Variants in PPP2R5C observed in about 807,000 individuals in gnomAD.
PPP2R5C encodes the protein protein phosphatase 2 regulatory subunit B'gamma, also known as serine/threonine-protein phosphatase 2A 56 kDa regulatory subunit gamma isoform.
Under a neutral mutation model 68.9 loss-of-function variants are expected in PPP2R5C, and 7 were observed. The observed-to-expected ratio is 0.10, with a 90% CI of 0.06 to 0.19. The LOEUF is 0.19. Ranked by LOEUF, PPP2R5C falls within the 10% of genes least tolerant of loss-of-function variation. PPP2R5C has a pLI of 1.00. For missense variants in PPP2R5C, 348 were observed against 641.3 expected (o/e 0.54, Z 4.94); for synonymous variants, 210 against 222.2 (o/e 0.95, Z 0.49).
At chr14:101,914,138 TG>T (rs1419026081) in intron 12 of PPP2R5C, 1 of 454,502 alleles carries the variant, frequency 2.2e-6, no homozygotes, top group East Asian at 6.9e-5. Context: ...GTATTCTTTT[TG>T]GTTGCTCTCT....
rs1275831585 is a variant in PPP2R5C at position 101,879,034 on chromosome 14, T to G, written c.295-3127T>G. Reference sequence around the variant, plus strand: ...TCTTAGTCATCCCTGGTCACAGAAATCCAATCTAGGTTAAAGCTTTCATCT... The same window carrying G: ...TCTTAGTCATCCCTGGTCACAGAAAGCCAATCTAGGTTAAAGCTTTCATCT... On this transcript the variant is annotated intron_variant, in intron 2 of 13. Transcript: ENST00000334743. This position sits in a 1 kb window ranked among gnomAD's most constrained non-coding sequence, Gnocchi z 4.2. Among the ~76,000 whole-genome samples, 1 of 152,160 alleles carries G rather than the reference T, an allele frequency of 6.6e-6. No homozygotes were observed. Among genetic ancestry groups the G allele is most frequent in the Non-Finnish European group, 1.5e-5 (1 of 68,028 alleles).
Position 101,913,914 on chromosome 14 carries a change from G to T in PPP2R5C, c.1326+1441G>T, listed in dbSNP as rs1405346303. ...CAAACACACACACACGAATCAGAAG[G>T]TCTGATTTTATGTACCTAGAATATA... On this transcript the variant is annotated intron_variant, in intron 12 of 13. Coordinates refer to ENST00000334743, the Ensembl canonical transcript of PPP2R5C. The surrounding 1 kb of genome is among the most constrained non-coding windows in gnomAD (Gnocchi z 4.1). 6.6e-6 allele frequency among the ~76,000 whole-genome samples: 1 copy of T among 152,006 alleles called. No individual in the cohort carries two copies. The highest frequency in any genetic ancestry group is 1.5e-5 in the Non-Finnish European group (1 of 68,012).
At chr14:101,821,438 GGGGTGGGTGGGT>G (rs1200447761) in intron 1 of PPP2R5C, among the ~76,000 whole-genome samples, 19 of 130,648 alleles carry the variant, frequency 1.5e-4, no homozygotes, top group African/African-American at 4.9e-4. Context: ...CTCCCTGTGG[GGGGTGGGTGGGT>G]GGGTGTGTGT....
At chr14:101,776,734 C>T (rs1189057760) in intron 2 of PPP2R5C, among the ~76,000 whole-genome samples, 3 of 152,150 alleles carry the variant, frequency 2.0e-5, no homozygotes, top group Non-Finnish European at 2.9e-5. Flanking sequence ...CTAGCAGCTA[C>T]CAGTCTGCTC....
intron 1 of PPP2R5C, among the ~76,000 whole-genome samples, chr14:101,816,514 A>G (rs1234930051): frequency 6.6e-6 from 1 of 152,226 alleles, no homozygotes; most frequent in African/African-American, 2.4e-5. Flanking sequence ...TGTTCTAAAA[A>G]GTGTGAAATC....
chr14:101,911,281 A>C (rs1022101930), intron 11 of PPP2R5C, among the ~76,000 whole-genome samples: 5 of 152,208 alleles, frequency 3.3e-5, no homozygotes. Context: ...CTCAAAAAAA[A>C]AATCCTTGCC....
Position 101,812,202 on chromosome 14 carries a change from G to A in PPP2R5C, c.94+2166G>A, listed in dbSNP as rs116716524. Among the ~76,000 whole-genome samples the A allele has an allele frequency of 2.1e-3, 313 of 152,332 alleles. 1 individual carries two copies. Among genetic ancestry groups the A allele is most frequent in the African/African-American group, 7.3e-3 (304 of 41,566 alleles). On this transcript the variant is annotated intron_variant, in intron 1 of 13. Coordinates refer to ENST00000334743, the Ensembl canonical transcript of PPP2R5C. ...AACATCCATTGAGCAGCTCCGGTGTGCCAAGTGCTGAGCGTCATTACAGTG... is the reference window on the plus strand; with the variant it reads ...AACATCCATTGAGCAGCTCCGGTGTACCAAGTGCTGAGCGTCATTACAGTG...
Position 101,888,028 on chromosome 14 carries a change from A to G in PPP2R5C, c.630-2209A>G, listed in dbSNP as rs376428957. 6.6e-6 allele frequency among the ~76,000 whole-genome samples: 1 copy of G among 152,364 alleles called. No homozygotes were observed. Among genetic ancestry groups the G allele is most frequent in the African/African-American group, 2.4e-5 (1 of 41,586 alleles). On this transcript the variant is annotated intron_variant, in intron 5 of 13. Transcript: ENST00000334743. The surrounding 1 kb of genome is among the most constrained non-coding windows in gnomAD (Gnocchi z 5.6). ...CTTATTTCTTCTTTCTTCTGCCTAC[A>G]TCAAAGCAGGTTTAAAAAATTAGAA...
chr14:101,789,936 T>C (rs1309600579), intron 3 of PPP2R5C: 3 of 151,782 alleles, frequency 2.0e-5, no homozygotes, highest in Non-Finnish European at 4.4e-5. Context: ...GTCTGTTAAC[T>C]AGTACATGGT....
chr14:101,802,140 C>T (rs1011516619), intron 3 of PPP2R5C, among the ~76,000 whole-genome samples: 2 of 152,144 alleles, frequency 1.3e-5, no homozygotes, highest in African/African-American at 4.8e-5. Flanking sequence ...CCTGGCCGGG[C>T]GCGGTGGCTC....
intron 2 of PPP2R5C, among the ~76,000 whole-genome samples, chr14:101,867,647 G>A (rs1196103388): frequency 1.3e-5 from 2 of 151,612 alleles, no homozygotes; most frequent in South Asian, 2.1e-4. Flanking sequence ...GCATGGTGGC[G>A]GGCACCTGTA....
intron 2 of PPP2R5C, among the ~76,000 whole-genome samples, chr14:101,870,360 C>T (rs528030173): frequency 1.3e-5 from 2 of 152,246 alleles, no homozygotes; most frequent in Non-Finnish European, 2.9e-5. Context: ...TCCATTTTGT[C>T]TGCAGTTCGT....
chr14:101,787,745 C>T (rs145259344), intron 3 of PPP2R5C, among the ~76,000 whole-genome samples: 14 of 131,842 alleles, frequency 1.1e-4, no homozygotes, highest in South Asian at 2.3e-4. Flanking sequence ...CCAGCCTGGG[C>T]GACAGAGCGA....
chr14:101,814,259 CTT>C (rs1027430937), intron 1 of PPP2R5C, among the ~76,000 whole-genome samples: 1 of 152,232 alleles, frequency 6.6e-6, no homozygotes, highest in Non-Finnish European at 1.5e-5. Flanking sequence ...ACAAACATCT[CTT>C]TACTATGTAA....
chr14:101,885,652 C>G (rs1290097426), intron 5 of PPP2R5C, among the ~76,000 whole-genome samples: 1 of 152,248 alleles, frequency 6.6e-6, no homozygotes, highest in African/African-American at 2.4e-5. Context: ...CTTCCAAGTA[C>G]CCCACATCTC....
At chr14:101,764,793 C>T (rs7147774) in intron 2 of PPP2R5C, among the ~76,000 whole-genome samples, 9,713 of 144,176 alleles carry the variant, frequency 0.067, 353 homozygotes, top group East Asian at 0.15. Flanking sequence ...AAGGTATATG[C>T]TATATGCCTT....
intron 1 of PPP2R5C, among the ~76,000 whole-genome samples, chr14:101,833,948 C>T (rs1274337165): frequency 1.3e-5 from 2 of 152,090 alleles, no homozygotes; most frequent in Non-Finnish European, 2.9e-5. Context: ...ATTACAGGCA[C>T]CCGCCACCTG....
chr14:101,924,666 C>CCA (rs1366224353), intron 13 of PPP2R5C, among the ~76,000 whole-genome samples: 1 of 151,786 alleles, frequency 6.6e-6, no homozygotes, highest in Non-Finnish European at 1.5e-5. Context: ...TGATCTTGAC[C>CCA]TCTTGACCTC....
At chr14:101,794,473 G>T (rs949891667) in intron 3 of PPP2R5C, among the ~76,000 whole-genome samples, 1 of 152,138 alleles carries the variant, frequency 6.6e-6, no homozygotes, top group African/African-American at 2.4e-5. Flanking sequence ...GGGCTTAAAT[G>T]ATTCTCCTGC....
Sources: allele counts gnomAD v4.1 joint callset (sites outside exome capture counted in the v4.1 genomes callset), GRCh38; gene constraint gnomAD v4.1.1; non-coding constraint Gnocchi (gnomAD v3.1); transcripts MANE v1.5; gene names NCBI Gene and HGNC (gene_info 2026-07-23, HGNC 2026-07-21).